Variants in EBF2 observed in about 807,000 individuals in gnomAD.
EBF2 encodes transcription factor COE2.
EBF2 carries 21 observed loss-of-function variants against 72.8 expected under a neutral mutation model. The observed-to-expected ratio is 0.29, with a 90% confidence interval of 0.20 to 0.42. The LOEUF is 0.42. EBF2 is among the 10% of genes least tolerant of loss of function. EBF2 has a pLI of 1.00. For synonymous variants in EBF2, 299 were observed against 274.2 expected, an observed-to-expected ratio of 1.09 and a Z score of -0.89; for missense variants, 637 against 731.2, an observed-to-expected ratio of 0.87 and a Z score of 1.49.
intron 6 of EBF2, among the ~76,000 whole-genome samples, chr8:25,925,707 T>A (rs1585197496): frequency 6.6e-6 from 1 of 152,100 alleles, no homozygotes; most frequent in Non-Finnish European, 1.5e-5. Flanking sequence ...ACAGTCTTCT[T>A]CGGAGGTCTG....
At chr8:25,869,585 G>A (rs149816238) in intron 10 of EBF2, among the ~76,000 whole-genome samples, 26 of 152,174 alleles carry the variant, frequency 1.7e-4, no homozygotes, top group African/African-American at 5.5e-4. Flanking sequence ...GGTGGGGGCC[G>A]ATTAAACACT....
intron 6 of EBF2, among the ~76,000 whole-genome samples, chr8:25,959,598 G>A (rs1163535848): frequency 2.6e-5 from 4 of 152,174 alleles, no homozygotes; most frequent in Non-Finnish European, 5.9e-5. Context: ...TTGTTGTTTG[G>A]GGGAGGTTTT....
At chr8:26,015,996 A>G (rs894082752) in intron 6 of EBF2, among the ~76,000 whole-genome samples, 7 of 152,222 alleles carry the variant, frequency 4.6e-5, no homozygotes, top group Admixed American at 4.6e-4. Context: ...TTTTCCCAAC[A>G]CATCACCTCA....
intron 6 of EBF2, among the ~76,000 whole-genome samples, chr8:26,030,943 T>G (rs1364156168): frequency 6.6e-6 from 1 of 152,238 alleles, no homozygotes; most frequent in Non-Finnish European, 1.5e-5. Flanking sequence ...ATGTAATATG[T>G]GTGTTACATA....
chr8:25,853,504 A>AGAAAAACTT (rs67499617), intron 14 of EBF2, among the ~76,000 whole-genome samples: 1 of 151,694 alleles, frequency 6.6e-6, no homozygotes, highest in Non-Finnish European at 1.5e-5. Context: ...AAATAGAAAA[A>AGAAAAACTT]CTTAACAGGG....
At chr8:25,959,359 C>T (rs373622362) in intron 6 of EBF2, among the ~76,000 whole-genome samples, 53 of 152,218 alleles carry the variant, frequency 3.5e-4, no homozygotes, top group South Asian at 6.2e-4. Context: ...CGCCCACCAC[C>T]ATGCCTGGCT....
chr8:26,004,888 C>T (rs991398171), intron 6 of EBF2, among the ~76,000 whole-genome samples: 2 of 151,840 alleles, frequency 1.3e-5, no homozygotes, highest in African/African-American at 2.4e-5. Flanking sequence ...AGCCCCACCT[C>T]ATTCCATAAA....
chr8:25,870,012 G>A (rs764745130), intron 10 of EBF2, among the ~76,000 whole-genome samples: 3 of 152,032 alleles, frequency 2.0e-5, no homozygotes, highest in Non-Finnish European at 4.4e-5. Flanking sequence ...TCCCCCTCTG[G>A]GCATCCTCCT....
chr8:25,851,940 C>T (rs1212763892), intron 14 of EBF2, among the ~76,000 whole-genome samples: 2 of 152,142 alleles, frequency 1.3e-5, no homozygotes, highest in Admixed American at 1.3e-4. Context: ...CCACGTCCAC[C>T]CAATTGCCTG....
At chr8:25,945,088 G>GCCCCCCCCC (rs11461828) in intron 6 of EBF2, among the ~76,000 whole-genome samples, 329 of 127,418 alleles carry the variant, frequency 2.6e-3, no homozygotes, top group Non-Finnish European at 2.9e-3. Context: ...TTGTTCTGTT[G>GCCCCCCCCC]CCCCCCCCGC....
chr8:25,976,126 A>G (rs761475170), intron 6 of EBF2, among the ~76,000 whole-genome samples: 14 of 152,180 alleles, frequency 9.2e-5, no homozygotes, highest in East Asian at 3.8e-4. Flanking sequence ...CCCTCCTCCA[A>G]TGAAAATTAA....
At chr8:25,947,183 C>A (rs1215997065) in intron 6 of EBF2, among the ~76,000 whole-genome samples, 1 of 152,066 alleles carries the variant, frequency 6.6e-6, no homozygotes, top group East Asian at 1.9e-4. Flanking sequence ...ATGGAAGGGA[C>A]CAGGTGGGAG....
intron 10 of EBF2, among the ~76,000 whole-genome samples, chr8:25,881,119 C>A (rs1294962617): frequency 1.3e-5 from 2 of 152,198 alleles, no homozygotes; most frequent in African/African-American, 4.8e-5. Flanking sequence ...AAGTGACCTC[C>A]CTGCATCCAA....
intron 6 of EBF2, among the ~76,000 whole-genome samples, chr8:25,937,325 C>T (rs4501585): frequency 0.076 from 11,496 of 152,128 alleles, 536 homozygotes; most frequent in African/African-American, 0.13. Context: ...AAAATGTCCC[C>T]GACACCCATA....
chr8:25,892,457 C>T (rs548997179), intron 7 of EBF2, among the ~76,000 whole-genome samples: 1 of 152,188 alleles, frequency 6.6e-6, no homozygotes, highest in African/African-American at 2.4e-5. Flanking sequence ...CTTAGCTGTC[C>T]AATTTACACT....
chr8:25,928,245 G>A (rs995888024), intron 6 of EBF2, among the ~76,000 whole-genome samples: 2 of 152,142 alleles, frequency 1.3e-5, no homozygotes, highest in African/African-American at 2.4e-5. Context: ...TGCCATCTAA[G>A]GTGCACACGC....
intron 6 of EBF2, among the ~76,000 whole-genome samples, chr8:25,986,832 T>C (rs1442338026): frequency 6.6e-6 from 1 of 152,190 alleles, no homozygotes; most frequent in Non-Finnish European, 1.5e-5. Context: ...GCCAGCATGT[T>C]CCAAGATTTG....
chr8:25,937,296 C>T (rs999451027), intron 6 of EBF2, among the ~76,000 whole-genome samples: 1 of 152,158 alleles, frequency 6.6e-6, no homozygotes, highest in African/African-American at 2.4e-5. Flanking sequence ...CAACATGTTA[C>T]CCAAGTCTCT....
intron 6 of EBF2, among the ~76,000 whole-genome samples, chr8:26,007,823 C>T (rs1804907476): frequency 6.6e-6 from 1 of 151,902 alleles, no homozygotes; most frequent in Non-Finnish European, 1.5e-5. Context: ...TACACACACA[C>T]ACACTACAGA....
Sources: allele counts gnomAD v4.1 joint callset (sites outside exome capture counted in the v4.1 genomes callset), GRCh38; gene constraint gnomAD v4.1.1; transcripts MANE v1.5; gene names NCBI Gene and HGNC (gene_info 2026-07-23, HGNC 2026-07-21).